The following ZNF221 variants were observed in gnomAD, a reference collection of about 807,000 sequenced individuals.
ZNF221 encodes zinc finger protein 221.
Under a neutral mutation model 12.6 loss-of-function variants are expected in ZNF221, and 10 were observed. That is an observed-to-expected ratio of 0.79 (90% CI 0.49 to 1.34). ZNF221 has a LOEUF of 1.34. Ranked by LOEUF, ZNF221 falls within the 40% of genes most tolerant of loss-of-function variation. The pLI is 0.00. For missense variants in ZNF221, 661 were observed against 721.4 expected, an observed-to-expected ratio of 0.92 and a Z score of 0.96; for synonymous variants, 232 against 244.0, an observed-to-expected ratio of 0.95 and a Z score of 0.46.
At chr19:43,963,030 A>G (rs1974873345) in intron 2 of ZNF221, among the ~76,000 whole-genome samples, 1 of 152,204 alleles carries the variant, frequency 6.6e-6, no homozygotes, top group Non-Finnish European at 1.5e-5. Context: ...GTAGGAATGG[A>G]TAATTCTTTC....
intron 1 of ZNF221, among the ~76,000 whole-genome samples, chr19:43,955,874 G>A (rs1974746840): frequency 6.6e-6 from 1 of 152,176 alleles, no homozygotes; most frequent in Admixed American, 6.5e-5. Flanking sequence ...TCCAGAGTCA[G>A]TCTCCAGGTA....
At chr19:43,972,141 A>T (rs1413389316), downstream of ZNF221, among the ~76,000 whole-genome samples, 1 of 152,184 alleles carries the variant, frequency 6.6e-6, no homozygotes, top group Non-Finnish European at 1.5e-5. Flanking sequence ...AGAACCACAC[A>T]ACTATGTGGA....
At chr19:43,963,336 A>G (rs1444303690) in intron 2 of ZNF221, among the ~76,000 whole-genome samples, 1 of 152,166 alleles carries the variant, frequency 6.6e-6, no homozygotes, top group Non-Finnish European at 1.5e-5. Flanking sequence ...CCCCAAAATT[A>G]ATTCTGAAAA....
At chr19:43,965,679 C>T (rs538386133) in intron 4 of ZNF221, 125 bp from the exon 5 acceptor site, 62 of 894,750 alleles carry the variant, frequency 6.9e-5, no homozygotes, top group Admixed American at 4.7e-4. Context: ...ATAGTGCACT[C>T]GGAAAACATG....
downstream of ZNF221, among the ~76,000 whole-genome samples, chr19:43,972,409 G>A (rs1436327796): frequency 6.6e-6 from 1 of 151,830 alleles, no homozygotes. Flanking sequence ...CAGGAAATAA[G>A]ATCAGAGCAG....
chr19:43,958,820 G>C (rs1264214198), intron 1 of ZNF221, among the ~76,000 whole-genome samples: 1 of 152,172 alleles, frequency 6.6e-6, no homozygotes, highest in African/African-American at 2.4e-5. Flanking sequence ...ATAGTCAAAG[G>C]GGTCTTTTAT....
chr19:43,975,043 G>C, the ZNF221 span, among the ~76,000 whole-genome samples: 1 of 151,550 alleles, frequency 6.6e-6, no homozygotes, highest in African/African-American at 2.4e-5. Flanking sequence ...AAGTCAAAAA[G>C]CAACAGTTGT....
At chr19:43,952,993 G>A (rs1258450645) in intron 1 of ZNF221, among the ~76,000 whole-genome samples, 1 of 152,022 alleles carries the variant, frequency 6.6e-6, no homozygotes, top group Non-Finnish European at 1.5e-5. Flanking sequence ...CTGAGACAGA[G>A]TCTCACTCTC....
intron 1 of ZNF221, among the ~76,000 whole-genome samples, chr19:43,956,672 T>C (rs1974760681): frequency 6.6e-6 from 1 of 152,188 alleles, no homozygotes; most frequent in African/African-American, 2.4e-5. Context: ...TTAAAATTTC[T>C]CCAAACTGGA....
intron 1 of ZNF221, among the ~76,000 whole-genome samples, chr19:43,954,515 G>A (rs1288561370): frequency 6.6e-6 from 1 of 152,176 alleles, no homozygotes; most frequent in South Asian, 2.1e-4. Context: ...CCTCCATTCA[G>A]ATAGGGTAAG....
chr19:43,971,914 A>C (rs1568481733), downstream of ZNF221, among the ~76,000 whole-genome samples: 1 of 152,208 alleles, frequency 6.6e-6, no homozygotes, highest in Non-Finnish European at 1.5e-5. Context: ...CAGACCTGAT[A>C]GATATCTGCA....
downstream of ZNF221, among the ~76,000 whole-genome samples, chr19:43,968,784 G>C (rs1472995561): frequency 6.6e-6 from 1 of 152,192 alleles, no homozygotes; most frequent in Non-Finnish European, 1.5e-5. Flanking sequence ...TGGAGCCAAA[G>C]GAAACCTCAC....
chr19:43,970,027 G>T (rs1344593057), downstream of ZNF221, among the ~76,000 whole-genome samples: 2 of 152,208 alleles, frequency 1.3e-5, no homozygotes, highest in African/African-American at 4.8e-5. Flanking sequence ...AAACTGGTCA[G>T]TATCCCCCTG....
the ZNF221 span, among the ~76,000 whole-genome samples, chr19:43,979,117 G>C: frequency 7.9e-5 from 12 of 151,950 alleles, no homozygotes; most frequent in Non-Finnish European, 1.2e-4. Flanking sequence ...TAGGAAGTAT[G>C]AATATTTTGG....
chr19:43,974,821 C>A, the ZNF221 span, among the ~76,000 whole-genome samples: 1 of 152,028 alleles, frequency 6.6e-6, no homozygotes, highest in Non-Finnish European at 1.5e-5. Context: ...GAGTTGGAGA[C>A]CAGCCCGGCC....
rs911310258 is a variant in ZNF221, at chr19:43,967,580, G to A, written c.*224G>A. The A allele has an allele frequency of 1.8e-4, 80 of 456,798 alleles. No individual in the cohort carries two copies. The highest frequency in any genetic ancestry group is 2.6e-4 in the Non-Finnish European group (68 of 258,780). The allele number at this position is 456,798 out of a possible 1,614,324, so 28.3% of individuals were successfully genotyped here. On this transcript the variant is annotated 3_prime_UTR_variant, in exon 5 of 5. Transcript: ENST00000587682. The stretch of plus-strand genomic sequence containing the variant: ...TGCAAGCTCCGCCTCCCAGGTTCAC[G>A]CCATTCTCCTGCCTCAGCCTCCCGA...
the ZNF221 span, among the ~76,000 whole-genome samples, chr19:43,972,763 CAAA>C: frequency 2.9e-5 from 2 of 67,942 alleles, no homozygotes; most frequent in African/African-American, 1.0e-4. Context: ...AATAGTCTAC[CAAA>C]AAAAAAAAAA....
chr19:43,980,320 A>G, the ZNF221 span, among the ~76,000 whole-genome samples: 2 of 152,200 alleles, frequency 1.3e-5, no homozygotes, highest in African/African-American at 2.4e-5. Context: ...ACATCTCCCA[A>G]ATCAATTCTA....
chr19:43,973,333 T>A, the ZNF221 span, among the ~76,000 whole-genome samples: 1 of 152,276 alleles, frequency 6.6e-6, no homozygotes, highest in Admixed American at 6.5e-5. Flanking sequence ...CCTTGAAAAC[T>A]GGCACAAGAC....
Sources: gnomAD v4.1 joint callset for allele counts (sites outside exome capture counted in the v4.1 genomes callset) on GRCh38, gnomAD v4.1.1 for gene constraint, MANE v1.5 for transcripts, NCBI Gene and HGNC (gene_info 2026-07-23, HGNC 2026-07-21) for gene names.